NTNG1: variants seen among roughly 807,000 people sequenced by gnomAD.
NTNG1 encodes the protein netrin G1.
A neutral mutation model predicts 54.0 loss-of-function variants in NTNG1; 16 were observed. That is an observed-to-expected ratio of 0.30 (90% confidence interval 0.20 to 0.45). The LOEUF (loss-of-function observed/expected upper bound fraction) is 0.45. NTNG1 is among the 20% of genes least tolerant of loss of function. The pLI is 1.00. For synonymous variants in NTNG1, 255 were observed against 263.1 expected, an observed-to-expected ratio of 0.97 and a Z score of 0.30; for missense variants, 530 against 678.7, an observed-to-expected ratio of 0.78 and a Z score of 2.43.
intron 7 of NTNG1, among the ~76,000 whole-genome samples, chr1:107,447,799 G>A (rs2101464584): frequency 6.6e-6 from 1 of 152,210 alleles, no homozygotes; most frequent in Non-Finnish European, 1.5e-5. Context: ...TTTAGCCAAG[G>A]TGACAGAAGG....
At chr1:107,263,295 TCC>T (rs1663484477) in intron 2 of NTNG1, among the ~76,000 whole-genome samples, 1 of 128,052 alleles carries the variant, frequency 7.8e-6, no homozygotes, top group Non-Finnish European at 1.9e-5. Flanking sequence ...CTTCCTTCCT[TCC>T]TTCCTTCCTT....
intron 3 of NTNG1, among the ~76,000 whole-genome samples, chr1:107,393,798 A>G (rs1457711665): frequency 6.6e-6 from 1 of 152,022 alleles, no homozygotes; most frequent in Non-Finnish European, 1.5e-5. Flanking sequence ...CTAAAGAAAA[A>G]CTTGGCCATT....
chr1:107,372,178 C>T (rs561294812), intron 3 of NTNG1, among the ~76,000 whole-genome samples: 1 of 151,746 alleles, frequency 6.6e-6, no homozygotes, highest in South Asian at 2.1e-4. Context: ...TCATTGGTTT[C>T]TGCTTTGGTA....
intron 5 of NTNG1, among the ~76,000 whole-genome samples, chr1:107,419,048 A>G (rs1009320705): frequency 3.3e-5 from 5 of 152,004 alleles, no homozygotes; most frequent in African/African-American, 9.7e-5. Flanking sequence ...GTAAATACAT[A>G]GAGGTAGTAT....
chr1:107,255,611 A>T (rs1483617226), intron 2 of NTNG1, among the ~76,000 whole-genome samples: 3 of 152,214 alleles, frequency 2.0e-5, no homozygotes, highest in Non-Finnish European at 4.4e-5. Context: ...CTTTGAAGAT[A>T]CCTGTCTATG....
rs939752168 is a variant in NTNG1 at position 107,324,846 on chromosome 1, G to A, written c.811G>A (p.Val271Ile). The A allele has an allele frequency of 6.8e-6, 11 of 1,613,498 alleles. No homozygotes were observed. Among genetic ancestry groups the A allele is most frequent in the African/African-American group, 5.3e-5 (4 of 74,968 alleles). The change falls in exon 3 of 8, where the codon GTT (valine) becomes ATT (isoleucine). Residue 271 changes from valine to isoleucine, a missense_variant. By Grantham distance (29) the Val-to-Ile change is conservative (BLOSUM62 3). Around this residue, in one of 2 missense-constraint regions of NTNG1, gnomAD observed 318 missense variants for 465.1 expected, o/e 0.68. Coordinates refer to ENST00000370068, the MANE Select transcript of NTNG1 (RefSeq NM_001113226.3). Reference protein sequence around the residue: ...DLRIRLLRPAVGEIFVDELHL... With the variant: ...DLRIRLLRPAIGEIFVDELHL... The stretch of plus-strand genomic sequence containing the variant: ...GAGGATAAGGCTGTTAAGACCAGCC[G>A]TTGGGGAAATATTTGTAGATGAGCT...
At chr1:107,241,965 A>G (rs1661861862) in intron 2 of NTNG1, among the ~76,000 whole-genome samples, 1 of 152,182 alleles carries the variant, frequency 6.6e-6, no homozygotes, top group Non-Finnish European at 1.5e-5. Flanking sequence ...TGTATCATAC[A>G]TATATTAGAG....
At chr1:107,440,967 T>A (rs943063154) in intron 7 of NTNG1, among the ~76,000 whole-genome samples, 1 of 152,022 alleles carries the variant, frequency 6.6e-6, no homozygotes. Context: ...TAATAAGATT[T>A]CAAGCAGGCC....
chr1:107,189,425 G>T (rs1657729107), intron 2 of NTNG1, among the ~76,000 whole-genome samples: 4 of 138,828 alleles, frequency 2.9e-5, no homozygotes, highest in East Asian at 2.5e-4. Flanking sequence ...GTAACTCTTA[G>T]TTTTTTTTAA....
chr1:107,469,430 C>T (rs1267968949), intron 7 of NTNG1, among the ~76,000 whole-genome samples: 1 of 152,106 alleles, frequency 6.6e-6, no homozygotes, highest in African/African-American at 2.4e-5. Flanking sequence ...AGACATCCAC[C>T]ATTCGGAAAC....
chr1:107,358,514 G>A (rs1670075695), intron 3 of NTNG1, among the ~76,000 whole-genome samples: 2 of 152,040 alleles, frequency 1.3e-5, no homozygotes, highest in South Asian at 4.1e-4. Flanking sequence ...GCATTCTAGT[G>A]TTGATCTAGC....
At chr1:107,306,737 C>CT (rs1666718714) in intron 2 of NTNG1, among the ~76,000 whole-genome samples, 1 of 143,652 alleles carries the variant, frequency 7.0e-6, no homozygotes, top group South Asian at 2.2e-4. Flanking sequence ...GGAGACAGAA[C>CT]AAGACTCCAT....
chr1:107,262,096 ATT>A (rs1663391883), intron 2 of NTNG1, among the ~76,000 whole-genome samples: 1 of 152,234 alleles, frequency 6.6e-6, no homozygotes, highest in Admixed American at 6.5e-5. Flanking sequence ...CTGTTTACAT[ATT>A]TTGAAGCTAA....
In NTNG1 at chr1:107,388,723, T is replaced by C. The variant is rs963085152; in HGVS notation, c.888-6431T>C. Among the ~76,000 whole-genome samples the C allele has an allele frequency of 2.0e-5, 3 of 152,218 alleles. No homozygotes were observed. The South Asian group carries it at 6.2e-4, about 32-fold the overall frequency. ...TTTGAACTCAGGCTGTCTATTTCAG[T>C]GTCCCAGTGTCATAACTCATCAACT... On this transcript the variant is annotated intron_variant, in intron 3 of 7. Coordinates refer to ENST00000370068, the MANE Select transcript of NTNG1 (RefSeq NM_001113226.3).
intron 2 of NTNG1, among the ~76,000 whole-genome samples, chr1:107,231,779 G>T (rs1661086086): frequency 6.6e-6 from 1 of 152,076 alleles, no homozygotes; most frequent in South Asian, 2.1e-4. Flanking sequence ...TAGCATCTTG[G>T]ATACTGCCAG....
At chr1:107,480,576 G>GCCCCCCCCCCCCCAACCCCCCCAGC in intron 7 of NTNG1, 35 bp from the exon 8 acceptor site, 1 of 339,098 alleles carries the variant, frequency 2.9e-6, no homozygotes, top group Non-Finnish European at 5.7e-6. Context: ...TCCTCCCCGC[G>GCCCCCCCCCCCCCAACCCCCCCAGC]CCCACCCACC....
chr1:107,279,849 G>C (rs976531776), intron 2 of NTNG1, among the ~76,000 whole-genome samples: 5 of 151,990 alleles, frequency 3.3e-5, no homozygotes. Context: ...CGAGTGCAGG[G>C]GTGTGAACAT....
chr1:107,431,265 T>A (rs1675247361), intron 6 of NTNG1, among the ~76,000 whole-genome samples: 1 of 152,202 alleles, frequency 6.6e-6, no homozygotes, highest in Non-Finnish European at 1.5e-5. Flanking sequence ...GGCTATACAT[T>A]CAACTTTCAA....
At chr1:107,209,893 T>G (rs1458208521) in intron 2 of NTNG1, among the ~76,000 whole-genome samples, 3 of 1,790 alleles carry the variant, frequency 1.7e-3, no homozygotes, top group African/African-American at 2.3e-3. Context: ...ACAGACTTCT[T>G]TTTTTTTTTT....
Sources: allele counts gnomAD v4.1 joint callset (sites outside exome capture counted in the v4.1 genomes callset), GRCh38; gene constraint gnomAD v4.1.1; regional missense constraint gnomAD v4.1.1; transcripts MANE v1.5; gene names NCBI Gene and HGNC (gene_info 2026-07-23, HGNC 2026-07-21).